PTPRN2: variants seen among roughly 807,000 people sequenced by gnomAD.
PTPRN2 encodes receptor-type tyrosine-protein phosphatase N2.
Under a neutral mutation model 118.8 loss-of-function variants are expected in PTPRN2, and 74 were observed. The observed-to-expected ratio is 0.62, with a 90% confidence interval of 0.52 to 0.76. PTPRN2 has a LOEUF of 0.76. Among genes scored for constraint, PTPRN2 ranks in the 30% least tolerant of loss-of-function variants. The probability of loss-of-function intolerance (pLI) is 0.00; values close to 1 mark genes in which losing one functional copy is unlikely to be tolerated. For synonymous variants in PTPRN2, 641 were observed against 608.0 expected (o/e 1.05, Z -0.80); for missense variants, 1,481 against 1,394.4 (o/e 1.06, Z -0.99).
intron 12 of PTPRN2, among the ~76,000 whole-genome samples, chr7:157,802,184 C>T (rs1199308825): frequency 1.3e-5 from 2 of 152,234 alleles, no homozygotes; most frequent in African/African-American, 4.8e-5. Flanking sequence ...GATGTCGAGA[C>T]CGCGTTGAGG....
chr7:157,544,546 GA>G (rs1798184209), intron 22 of PTPRN2, among the ~76,000 whole-genome samples: 1 of 152,146 alleles, frequency 6.6e-6, no homozygotes, highest in Admixed American at 6.5e-5. Flanking sequence ...GTCCAGTGAG[GA>G]GGGGGCGGGG....
chr7:158,131,140 ATACACAC>A (rs1818224690), intron 9 of PTPRN2, among the ~76,000 whole-genome samples: 1 of 80,070 alleles, frequency 1.2e-5, no homozygotes, highest in East Asian at 4.0e-4. Flanking sequence ...ACATACACAC[ATACACAC>A]ACAAATACCC....
intron 12 of PTPRN2, among the ~76,000 whole-genome samples, chr7:157,742,525 G>C (rs1372504441): frequency 6.7e-6 from 1 of 149,864 alleles, no homozygotes; most frequent in African/African-American, 2.5e-5. Context: ...TAGGTTTGCT[G>C]ATTGCTGGAG....
intron 3 of PTPRN2, among the ~76,000 whole-genome samples, chr7:158,278,654 G>A (rs987280704): frequency 6.6e-5 from 10 of 152,114 alleles, no homozygotes; most frequent in Admixed American, 6.5e-5. Flanking sequence ...ATGAAGCCGC[G>A]GACCCTCGCG....
At chr7:158,014,411 C>T (rs543860652) in intron 11 of PTPRN2, among the ~76,000 whole-genome samples, 1 of 151,850 alleles carries the variant, frequency 6.6e-6, no homozygotes, top group Non-Finnish European at 1.5e-5. Flanking sequence ...ACCCATTCAT[C>T]AAACAATCCA....
intron 5 of PTPRN2, among the ~76,000 whole-genome samples, chr7:158,177,207 C>T (rs1037759731): frequency 2.0e-5 from 3 of 152,066 alleles, no homozygotes; most frequent in Admixed American, 1.3e-4. Context: ...CATTGCATTC[C>T]CCCTAATTTG....
intron 11 of PTPRN2, among the ~76,000 whole-genome samples, chr7:158,055,344 C>A (rs1444113703): frequency 6.6e-6 from 1 of 152,168 alleles, no homozygotes; most frequent in Non-Finnish European, 1.5e-5. Context: ...ATGCCCGTTG[C>A]CAAGCGGACC....
intron 11 of PTPRN2, among the ~76,000 whole-genome samples, chr7:157,923,120 T>G (rs1356232304): frequency 6.6e-6 from 1 of 152,236 alleles, no homozygotes; most frequent in Non-Finnish European, 1.5e-5. Flanking sequence ...AAATAAAACA[T>G]CACTCTGGGT....
intron 1 of PTPRN2, among the ~76,000 whole-genome samples, chr7:158,496,029 G>GGGGGGCAGCA (rs746033328): frequency 9.9e-5 from 15 of 150,930 alleles, no homozygotes; most frequent in African/African-American, 3.2e-4. Context: ...GACAGGGCTT[G>GGGGGGCAGCA]GGGGGCAGCA....
intron 9 of PTPRN2, among the ~76,000 whole-genome samples, chr7:158,130,887 ACAAACC>A (rs1469729629): frequency 3.5e-5 from 5 of 144,576 alleles, no homozygotes; most frequent in Admixed American, 1.4e-4. Flanking sequence ...GCATATACGC[ACAAACC>A]GATACACATC....
intron 3 of PTPRN2, among the ~76,000 whole-genome samples, chr7:158,262,463 A>C (rs1278869214): frequency 6.6e-6 from 1 of 150,616 alleles, no homozygotes; most frequent in Non-Finnish European, 1.5e-5. Context: ...GCAGATTCAC[A>C]CACTGCAAAC....
At chr7:157,620,541 C>A (rs947860221) in intron 15 of PTPRN2, among the ~76,000 whole-genome samples, 1 of 152,200 alleles carries the variant, frequency 6.6e-6, no homozygotes, top group Non-Finnish European at 1.5e-5. Flanking sequence ...CTCGTCTAAC[C>A]CTTACAGCAG....
At chr7:157,657,704 C>T (rs1260243842) in intron 13 of PTPRN2, among the ~76,000 whole-genome samples, 4 of 127,160 alleles carry the variant, frequency 3.1e-5, no homozygotes, top group Admixed American at 8.0e-5. Flanking sequence ...TATACACACA[C>T]ATACACCCCA....
chr7:158,019,894 T>A (rs1806741218), intron 11 of PTPRN2, among the ~76,000 whole-genome samples: 2 of 152,058 alleles, frequency 1.3e-5, no homozygotes, highest in Admixed American at 1.3e-4. Flanking sequence ...CAGGACACGG[T>A]TTTCCACTGT....
At chr7:158,196,123 C>G (rs1211810222) in intron 4 of PTPRN2, among the ~76,000 whole-genome samples, 6 of 152,130 alleles carry the variant, frequency 3.9e-5, no homozygotes, top group Non-Finnish European at 7.4e-5. Flanking sequence ...TATGTCGCAC[C>G]CTGTGTGAAT....
intron 12 of PTPRN2, among the ~76,000 whole-genome samples, chr7:157,726,747 T>C (rs1799625643): frequency 6.6e-6 from 1 of 152,190 alleles, no homozygotes; most frequent in African/African-American, 2.4e-5. Flanking sequence ...GATTTGCGAA[T>C]CAAATTGCAG....
At chr7:158,231,820 C>A (rs983621388) in intron 3 of PTPRN2, among the ~76,000 whole-genome samples, 2 of 152,060 alleles carry the variant, frequency 1.3e-5, no homozygotes, top group South Asian at 4.2e-4. Context: ...ACAAGAAGAA[C>A]CCCAGAAACT....
chr7:158,556,552 C>CA (rs10554373), intron 1 of PTPRN2, among the ~76,000 whole-genome samples: 171 of 116,474 alleles, frequency 1.5e-3, no homozygotes, highest in East Asian at 2.6e-3. Context: ...AACTCTGTTT[C>CA]AAAAAAAAAA....
At chr7:158,541,367 T>C in intron 1 of PTPRN2, 2 of 1,238,050 alleles carry the variant, frequency 1.6e-6, no homozygotes, top group African/African-American at 1.5e-5. Context: ...ACCTAACTTG[T>C]TGTTTTCTAA....
Sources: gnomAD v4.1 joint callset for allele counts (sites outside exome capture counted in the v4.1 genomes callset) on GRCh38, gnomAD v4.1.1 for gene constraint, MANE v1.5 for transcripts, NCBI Gene and HGNC (gene_info 2026-07-23, HGNC 2026-07-21) for gene names.